Variants in ABCB5 observed in about 807,000 individuals in gnomAD.
The protein encoded by ABCB5 is ATP-binding cassette sub-family B member 5.
In ABCB5, 155 loss-of-function variants were observed where a neutral mutation model predicts 144.2. That is an observed-to-expected ratio of 1.08 (90% CI 0.94 to 1.23). The LOEUF (loss-of-function observed/expected upper bound fraction) is 1.23, where lower values mean the gene tolerates loss of function less well. Ranked by LOEUF, ABCB5 falls within the 50% of genes most tolerant of loss-of-function variation. The probability of loss-of-function intolerance (pLI) is 0.00; values close to 1 mark genes in which losing one functional copy is unlikely to be tolerated. For synonymous variants in ABCB5, 610 were observed against 528.6 expected (o/e 1.15, Z -2.11); for missense variants, 1,830 against 1,520.8 (o/e 1.20, Z -3.38).
chr7:20,629,058 A>G (rs2128018427), intron 4 of ABCB5, among the ~76,000 whole-genome samples: 1 of 152,144 alleles, frequency 6.6e-6, no homozygotes, highest in Non-Finnish European at 1.5e-5. Flanking sequence ...ATAAATAAAT[A>G]AGAAACAAAA....
intron 7 of ABCB5, among the ~76,000 whole-genome samples, chr7:20,644,593 A>G (rs1468138984): frequency 6.6e-6 from 1 of 152,220 alleles, no homozygotes; most frequent in Admixed American, 6.5e-5. Flanking sequence ...AAATCTAAAA[A>G]CAACAAATGT....
Position 20,647,574 on chromosome 7 carries a change from G to A in ABCB5, c.1021G>A (p.Ala341Thr). ...AATCCATAGCAGTTATTGCATTGGA[G>A]CAGCAGTCCCTCACTTTGAAACCTT... ...SVIHSSYCIGAAVPHFETFAI... is the reference protein window; with the variant it reads ...SVIHSSYCIGTAVPHFETFAI... The change falls in exon 10 of 28, where the codon GCA (alanine) becomes ACA (threonine). Residue 341 changes from alanine (A) to threonine (T), a missense_variant. Coordinates refer to ENST00000404938, the MANE Select transcript of ABCB5 (RefSeq NM_001163941.2). 1.9e-6 allele frequency: 3 copies of A among 1,588,882 alleles called. No individual in the cohort carries two copies. The highest frequency in any genetic ancestry group is 8.6e-7 in the Non-Finnish European group (1 of 1,166,512).
chr7:20,700,721 G>A (rs1786591646), intron 19 of ABCB5, among the ~76,000 whole-genome samples: 4 of 152,244 alleles, frequency 2.6e-5, no homozygotes, highest in South Asian at 2.1e-4. Flanking sequence ...TGAGTCTTGG[G>A]GGCAAATGGA....
chr7:20,660,894 C>T (rs994245577), intron 14 of ABCB5, among the ~76,000 whole-genome samples: 1 of 152,164 alleles, frequency 6.6e-6, no homozygotes, highest in Non-Finnish European at 1.5e-5. Context: ...CATTTATCTT[C>T]CACTTATACA....
intron 1 of ABCB5, among the ~76,000 whole-genome samples, chr7:20,617,280 T>C (rs1376205046): frequency 6.6e-6 from 1 of 152,198 alleles, no homozygotes; most frequent in Non-Finnish European, 1.5e-5. Context: ...TTGTTTAAAA[T>C]GTAGATTTTT....
At chr7:20,678,502 T>C (rs1208108143) in intron 14 of ABCB5, among the ~76,000 whole-genome samples, 3 of 152,126 alleles carry the variant, frequency 2.0e-5, no homozygotes, top group African/African-American at 4.8e-5. Context: ...GAAAAGTAAA[T>C]AGCAGTAACA....
chr7:20,691,741 A>G (rs1242933786), intron 16 of ABCB5, among the ~76,000 whole-genome samples: 1 of 152,150 alleles, frequency 6.6e-6, no homozygotes, highest in East Asian at 1.9e-4. Flanking sequence ...CACTAAACCT[A>G]ACTAACAAAT....
intron 14 of ABCB5, chr7:20,659,144 G>C (rs1382908109): frequency 6.2e-7 from 1 of 1,613,720 alleles, no homozygotes; most frequent in Non-Finnish European, 8.5e-7. Context: ...CCCTTCGACA[G>C]CTCTGGCCCC....
intron 20 of ABCB5, 51 bp from the exon 21 acceptor site, chr7:20,722,965 G>A (rs758366901): frequency 1.7e-5 from 27 of 1,545,772 alleles, no homozygotes; most frequent in Non-Finnish European, 2.2e-5. Context: ...AGGAACTCTT[G>A]TAAATGTAAA....
At chr7:20,673,909 T>C (rs1262223013) in intron 14 of ABCB5, among the ~76,000 whole-genome samples, 4 of 152,020 alleles carry the variant, frequency 2.6e-5, no homozygotes, top group African/African-American at 9.6e-5. Flanking sequence ...TTATCTCTTT[T>C]GTGAGCTTAT....
Position 20,647,089 on chromosome 7 carries a change from C to T in ABCB5, c.982-446C>T, listed in dbSNP as rs537186603. ...GTCCCCTAATACAAAAATTCAAAAA[C>T]GGTTTGAGTGAAAACAGTACAATGT... On this transcript the variant is annotated intron_variant, in intron 9 of 27. Coordinates refer to ENST00000404938, the MANE Select transcript of ABCB5 (RefSeq NM_001163941.2). Among the ~76,000 whole-genome samples, 9 of 152,200 alleles carry T rather than the reference C, an allele frequency of 5.9e-5. No homozygotes were observed. In the South Asian group the frequency reaches 1.0e-3, roughly 18 times the overall value.
chr7:20,698,550 C>A lies in ABCB5; in HGVS notation c.2154C>A (p.Thr718=), dbSNP rs1376608891. 1.3e-6 allele frequency: 2 copies of A among 1,585,524 alleles called. No individual in the cohort carries two copies. The highest frequency in any genetic ancestry group is 1.7e-6 in the Non-Finnish European group (2 of 1,171,238). Residue 718 remains threonine, a splice_region_variant and synonymous_variant, in exon 17 of 28, where the codon ACC becomes ACA. Coordinates refer to ENST00000404938, the MANE Select transcript of ABCB5 (RefSeq NM_001163941.2). ...VFSIIFAKII[T]MFGNNDKTTL... ...CCATCATCTTTGCAAAAATTATAACCGTAAGTAAAATAAATTTGCTAATAC... is the reference window on the plus strand; with the variant it reads ...CCATCATCTTTGCAAAAATTATAACAGTAAGTAAAATAAATTTGCTAATAC...
intron 20 of ABCB5, among the ~76,000 whole-genome samples, chr7:20,716,562 G>A (rs1302760042): frequency 6.6e-6 from 1 of 151,962 alleles, no homozygotes; most frequent in Non-Finnish European, 1.5e-5. Context: ...CATTTTAAGG[G>A]ATAAACACAA....
chr7:20,640,509 T>C (rs1487607588), intron 5 of ABCB5, among the ~76,000 whole-genome samples: 1 of 152,214 alleles, frequency 6.6e-6, no homozygotes, highest in Non-Finnish European at 1.5e-5. Context: ...TAAGGAGCGC[T>C]AGCCATCAGT....
rs1328800854 is a variant in ABCB5, at chr7:20,643,258, T to C, written c.389T>C (p.Ile130Thr). ...TACATACAGATTTCCTTGTGGATTA[T>C]AACTGCAGCACGACAGACCAAGAGG... ...FGYIQISLWI[I>T]TAARQTKRIR... Residue 130 changes from isoleucine to threonine, a missense_variant, in exon 6 of 28, where the codon ATA becomes ACA. By Grantham distance (89) the Ile-to-Thr change is moderately conservative. Coordinates refer to ENST00000404938, the MANE Select transcript of ABCB5 (RefSeq NM_001163941.2). 3 of 1,613,836 alleles carry C rather than the reference T, an allele frequency of 1.9e-6. No homozygotes were observed. The highest frequency in any genetic ancestry group is 3.3e-5 in the Admixed American group (2 of 59,966).
intron 27 of ABCB5, among the ~76,000 whole-genome samples, chr7:20,754,830 G>T (rs1306878680): frequency 1.3e-5 from 2 of 152,128 alleles, no homozygotes; most frequent in Admixed American, 1.3e-4. Context: ...ATTCTACTTA[G>T]AAATACTACT....
chr7:20,667,867 G>A (rs1182274460), intron 14 of ABCB5, among the ~76,000 whole-genome samples: 2 of 148,294 alleles, frequency 1.3e-5, no homozygotes, highest in Non-Finnish European at 1.5e-5. Flanking sequence ...GATTGCAGGC[G>A]CACGCCGCCA....
intron 2 of ABCB5, among the ~76,000 whole-genome samples, chr7:20,624,853 C>A (rs1783873774): frequency 1.3e-5 from 2 of 152,364 alleles, no homozygotes; most frequent in South Asian, 2.1e-4. Context: ...CCTCTGGGCG[C>A]CTCAGGCTCC....
chr7:20,643,972 T>C (rs1307582505), intron 7 of ABCB5, among the ~76,000 whole-genome samples: 1 of 152,232 alleles, frequency 6.6e-6, no homozygotes, highest in Admixed American at 6.5e-5. Context: ...TTGTTTGCTC[T>C]AAATTCACAG....
Sources: allele counts gnomAD v4.1 joint callset (sites outside exome capture counted in the v4.1 genomes callset), GRCh38; gene constraint gnomAD v4.1.1; transcripts MANE v1.5; gene names NCBI Gene and HGNC (gene_info 2026-07-23, HGNC 2026-07-21).